Variants in SFPQ observed in about 807,000 individuals in gnomAD.
SFPQ encodes the protein splicing factor proline and glutamine rich, also known as splicing factor, proline- and glutamine-rich.
In SFPQ, 11 loss-of-function variants were observed where a neutral mutation model predicts 72.9. The ratio of observed to expected loss-of-function variants is 0.15; its 90% confidence interval spans 0.09 to 0.25. The LOEUF (loss-of-function observed/expected upper bound fraction) is 0.25, where lower values mean the gene tolerates loss of function less well. Among genes scored for constraint, SFPQ ranks in the 10% least tolerant of loss-of-function variants. The pLI, the probability that SFPQ is intolerant of heterozygous loss-of-function variation, is 1.00. For missense variants in SFPQ, 847 were observed against 993.3 expected, an observed-to-expected ratio of 0.85 and a Z score of 1.98; for synonymous variants, 506 against 367.3, an observed-to-expected ratio of 1.38 and a Z score of -4.32.
rs1640064879 is a variant in SFPQ, at chr1:35,192,405, C to T, written c.645G>A (p.Gly215=). 1.4e-6 allele frequency: 2 copies of T among 1,423,146 alleles called. No individual in the cohort carries two copies. Among genetic ancestry groups the T allele is most frequent in the Non-Finnish European group, 1.8e-6 (2 of 1,096,430 alleles). 88.2% of individuals were successfully genotyped at this position (1,423,146 alleles called of 1,614,324 possible). Reference sequence around the variant, plus strand: ...GGCCCGGGCCGCCACCTGGCTTCGGCCCGCCAGGCATTTTGCCGCCTTTGG... The same window carrying T: ...GGCCCGGGCCGCCACCTGGCTTCGGTCCGCCAGGCATTTTGCCGCCTTTGG... The part of the protein sequence containing the change: ...GGPKGGKMPG[G]PKPGGGPGLS... Residue 215 remains glycine, a synonymous_variant, in exon 1 of 10, where the codon GGG becomes GGA. Transcript: ENST00000357214.
Position 35,192,700 on chromosome 1 carries a change from G to T in SFPQ, c.350C>A (p.Pro117His). Residue 117 changes from proline to histidine, a missense_variant, in exon 1 of 10, where the codon CCC becomes CAC. Around this residue, in one of 6 missense-constraint regions of SFPQ, gnomAD observed 498 missense variants for 405.1 expected, o/e 1.23. Coordinates refer to ENST00000357214, the MANE Select transcript of SFPQ (RefSeq NM_005066.3). ...TGGTGCGCTGCCTACTCCGGGAGCG[G>T]GGCCGGGTCCCTGAGCAACGACGGG... ...SKPVVAQGPG[P>H]APGVGSAPPA... 1 of 1,452,130 alleles carries T rather than the reference G, an allele frequency of 6.9e-7. No homozygotes were observed. Among genetic ancestry groups the T allele is most frequent in the Non-Finnish European group, 9.0e-7 (1 of 1,110,098 alleles). 90.0% of individuals were successfully genotyped at this position (1,452,130 alleles called of 1,614,324 possible). A position where few individuals can be genotyped will look rare whatever the true frequency, so the allele number is the denominator to read the frequency against.
chr1:35,182,588 T>A (rs571599515), downstream of SFPQ: 24 of 985,454 alleles, frequency 2.4e-5, no homozygotes, highest in South Asian at 9.9e-4. Context: ...AGGTCTCCTT[T>A]TGTACACAGG....
Position 35,192,333 on chromosome 1 carries a change from C to T in SFPQ, c.717G>A (p.Gly239=), listed in dbSNP as rs1640059550. The change falls in exon 1 of 10, where the codon GGG becomes GGA. Residue 239 remains glycine (G), a synonymous_variant. Coordinates refer to ENST00000357214, the MANE Select transcript of SFPQ (RefSeq NM_005066.3). ...GHPKPPHRGG[G]EPRGGRQHHP... ...GGTGCTGGCGGCCCCCGCGGGGCTCCCCGCCGCCTCGATGCGGCGGCTTGG... is the reference window on the plus strand; with the variant it reads ...GGTGCTGGCGGCCCCCGCGGGGCTCTCCGCCGCCTCGATGCGGCGGCTTGG... 2 of 1,407,276 alleles carry T rather than the reference C, an allele frequency of 1.4e-6. No homozygotes were observed. Among genetic ancestry groups the T allele is most frequent in the Non-Finnish European group, 9.1e-7 (1 of 1,094,388 alleles). 87.2% of individuals were successfully genotyped at this position (1,407,276 alleles called of 1,614,324 possible). A position where few individuals can be genotyped will look rare whatever the true frequency, so the allele number is the denominator to read the frequency against.
Position 35,184,111 on chromosome 1 carries a change from A to T in SFPQ, c.*345T>A, listed in dbSNP as rs1639596365. The T allele has an allele frequency of 3.6e-6, 4 of 1,122,542 alleles. No homozygotes were observed. Among genetic ancestry groups the T allele is most frequent in the Non-Finnish European group, 4.4e-6 (4 of 917,232 alleles). 69.5% of individuals were successfully genotyped at this position (1,122,542 alleles called of 1,614,324 possible). A position where few individuals can be genotyped will look rare whatever the true frequency, so the allele number is the denominator to read the frequency against. On this transcript the variant is annotated 3_prime_UTR_variant, in exon 10 of 10. Coordinates refer to ENST00000357214, the MANE Select transcript of SFPQ (RefSeq NM_005066.3). ...ATAGAAGCATGAATGGCAAAGTTGA[A>T]GATCAATATTATAACTATTTTTCTA...
rs1047317667 is a variant in SFPQ, at chr1:35,183,219, C to G, written c.*1237G>C. The G allele has an allele frequency of 8.8e-5, 85 of 965,054 alleles. No individual in the cohort carries two copies. The African/African-American group carries it at 1.6e-3, about 18-fold the overall frequency. The allele number at this position is 965,054 out of a possible 1,614,324, so 59.8% of individuals were successfully genotyped here. A position where few individuals can be genotyped will look rare whatever the true frequency, so the allele number is the denominator to read the frequency against. Reference sequence around the variant, plus strand: ...ATATATAACTAAACCTACTTCAGTACTAAACCTTTTTTTTTTTTTGAGACA... The same window carrying G: ...ATATATAACTAAACCTACTTCAGTAGTAAACCTTTTTTTTTTTTTGAGACA... On this transcript the variant is annotated 3_prime_UTR_variant, in exon 10 of 10. Coordinates refer to ENST00000357214, the MANE Select transcript of SFPQ (RefSeq NM_005066.3).
rs758604468 is a variant in SFPQ, at chr1:35,184,413, C to CA, written c.*42dup. The CA allele has an allele frequency of 1.8e-5, 29 of 1,590,212 alleles. No homozygotes were observed. The highest frequency in any genetic ancestry group is 1.2e-4 in the South Asian group (10 of 86,086). ...AGAATTTAAAAGATTGGTATCTAAACAAAAAAACAAAACAAACTGGAATGA... is the reference window on the plus strand; with the variant it reads ...AGAATTTAAAAGATTGGTATCTAAACAAAAAAAACAAAACAAACTGGAATGA... On this transcript the variant is annotated 3_prime_UTR_variant, in exon 10 of 10. Coordinates refer to ENST00000357214, the MANE Select transcript of SFPQ (RefSeq NM_005066.3).
At chr1:35,181,810 A>G (rs1026466381), downstream of SFPQ, 4 of 984,774 alleles carry the variant, frequency 4.1e-6, no homozygotes, top group Non-Finnish European at 4.8e-6. Context: ...TTAAATTCAC[A>G]TTAGGCTAAA....
chr1:35,180,804 C>T (rs1316750513), downstream of SFPQ: 7 of 985,268 alleles, frequency 7.1e-6, no homozygotes, highest in Non-Finnish European at 8.4e-6. Context: ...CCCTAGTTCC[C>T]AAGTATAGTT....
chr1:35,181,535 C>A, downstream of SFPQ: 1 of 1,062,716 alleles, frequency 9.4e-7, no homozygotes, highest in Non-Finnish European at 1.1e-6. Flanking sequence ...ATTATGGTTT[C>A]ACTAACATGA....
downstream of SFPQ, chr1:35,179,841 C>T: frequency 4.7e-6 from 5 of 1,053,218 alleles, no homozygotes; most frequent in South Asian, 9.1e-5. Context: ...CACTAAACCA[C>T]GGCAGCAAGC....
At chr1:35,178,573 G>A, downstream of SFPQ, 1 of 1,058,770 alleles carries the variant, frequency 9.4e-7, no homozygotes, top group Non-Finnish European at 1.1e-6. Flanking sequence ...TCCCATCTAA[G>A]TCCTCACTGA....
downstream of SFPQ, chr1:35,180,090 A>C: frequency 1.9e-6 from 2 of 1,051,602 alleles, no homozygotes; most frequent in South Asian, 9.1e-5. Flanking sequence ...ATTGCTTGCC[A>C]ACGAGCAAGC....
chr1:35,183,574 T>G lies in SFPQ; in HGVS notation c.*882A>C, dbSNP rs912290875. On this transcript the variant is annotated 3_prime_UTR_variant, in exon 10 of 10. Transcript: ENST00000357214. ...TTTTTTAGACTACACCCCATCTTTA[T>G]AAATCACTTGAATACATGAAAAGAC... 2.8e-4 allele frequency: 289 copies of G among 1,020,596 alleles called. 1 individual carries two copies. Among genetic ancestry groups the G allele is most frequent in the Non-Finnish European group, 3.4e-4 (286 of 850,718 alleles). 63.2% of individuals were successfully genotyped at this position (1,020,596 alleles called of 1,614,324 possible).
downstream of SFPQ, chr1:35,181,008 G>A: frequency 7.5e-6 from 8 of 1,065,114 alleles, no homozygotes; most frequent in Non-Finnish European, 9.1e-6. Context: ...TTTGATGTAA[G>A]CTAGCTTTAC....
At position 35,192,601 on chromosome 1, in the gene SFPQ, G is replaced by A; in HGVS notation, c.449C>T (p.Thr150Ile). The A allele has an allele frequency of 7.4e-7, 1 of 1,344,806 alleles. No individual in the cohort carries two copies. The highest frequency in any genetic ancestry group is 9.5e-7 in the Non-Finnish European group (1 of 1,054,944). The allele number at this position is 1,344,806 out of a possible 1,614,324, so 83.3% of individuals were successfully genotyped here. Residue 150 changes from threonine (T) to isoleucine (I), a missense_variant, in exon 1 of 10, where the codon ACT becomes ATT. By Grantham distance (89) the Thr-to-Ile change is moderately conservative. Coordinates refer to ENST00000357214, the MANE Select transcript of SFPQ (RefSeq NM_005066.3). Reference sequence around the variant, plus strand: ...GGTGACTGCAGGCGGCGGGGTCGGAGTCGGGCCTGGCCCGGACCCTGGCGG... The same window carrying A: ...GGTGACTGCAGGCGGCGGGGTCGGAATCGGGCCTGGCCCGGACCCTGGCGG... ...GAPPGSGPGP[T>I]PTPPPAVTSA...
chr1:35,183,969 C>T lies in SFPQ; in HGVS notation c.*487G>A. 9.5e-7 allele frequency: 1 copy of T among 1,052,982 alleles called. No individual in the cohort carries two copies. Among genetic ancestry groups the T allele is most frequent in the Non-Finnish European group, 1.1e-6 (1 of 871,338 alleles). The allele number at this position is 1,052,982 out of a possible 1,614,324, so 65.2% of individuals were successfully genotyped here. On this transcript the variant is annotated 3_prime_UTR_variant, in exon 10 of 10. Transcript: ENST00000357214. ...TTTCTTCTTTTTAAAACAAAGGGGG[C>T]AATTATTTGTAGAAAGCAATACTTA...
At position 35,189,135 on chromosome 1, in the gene SFPQ, G is replaced by C. The variant is rs200887038; in HGVS notation, c.1613-48C>G. 8 of 1,613,200 alleles carry C rather than the reference G, an allele frequency of 5.0e-6. No homozygotes were observed. The Admixed American group carries it at 1.3e-4, about 27-fold the overall frequency. Reference sequence around the variant, plus strand: ...ATTCACATTAACAAGGTTCTAATAAGGTGAAAAACAATTGACCTTAGCAAT... The same window carrying C: ...ATTCACATTAACAAGGTTCTAATAACGTGAAAAACAATTGACCTTAGCAAT... On this transcript the variant is annotated intron_variant, in intron 5 of 9. Transcript: ENST00000357214.
chr1:35,181,457 C>T, downstream of SFPQ: 2 of 1,063,352 alleles, frequency 1.9e-6, no homozygotes, highest in Non-Finnish European at 2.3e-6. Flanking sequence ...ATTAGTGGTA[C>T]AATACATCTA....
rs954976723 is a variant in SFPQ at position 35,192,514 on chromosome 1, G to A, written c.536C>T (p.Pro179Leu). 9 of 1,330,112 alleles carry A rather than the reference G, an allele frequency of 6.8e-6. No individual in the cohort carries two copies. Among genetic ancestry groups the A allele is most frequent in the South Asian group, 2.1e-5 (1 of 48,774 alleles). The allele number at this position is 1,330,112 out of a possible 1,614,324, so 82.4% of individuals were successfully genotyped here. Residue 179 changes from proline to leucine, a missense_variant, in exon 1 of 10, where the codon CCT (proline) becomes CTT (leucine). Coordinates refer to ENST00000357214, the MANE Select transcript of SFPQ (RefSeq NM_005066.3). ...PPSSGVPTTP[P>L]QAGGPPPPPA... is the part of the protein sequence containing the mutation. ...CGGAGGCGGCGGGCCTCCGGCCTGA[G>A]GAGGTGTGGTAGGGACCCCGCTGCT...
Sources: gnomAD v4.1 joint callset for allele counts on GRCh38, gnomAD v4.1.1 for gene constraint, gnomAD v4.1.1 regional missense constraint, MANE v1.5 for transcripts, NCBI Gene and HGNC (gene_info 2026-07-23, HGNC 2026-07-21) for gene names.